LIMS1: variants seen among roughly 807,000 people sequenced by gnomAD.
LIMS1 encodes the protein LIM zinc finger domain containing 1.
Under a neutral mutation model 44.1 loss-of-function variants are expected in LIMS1, and 18 were observed. That is an observed-to-expected ratio of 0.41 (90% CI 0.28 to 0.61). The LOEUF is 0.61. Ranked by LOEUF, LIMS1 falls within the 20% of genes least tolerant of loss-of-function variation. LIMS1 has a pLI of 0.32. For synonymous variants in LIMS1, 93 were observed against 149.1 expected, an observed-to-expected ratio of 0.62 and a Z score of 2.74; for missense variants, 201 against 422.0, an observed-to-expected ratio of 0.48 and a Z score of 4.59.
intron 1 of LIMS1, among the ~76,000 whole-genome samples, chr2:108,551,486 C>T (rs920458508): frequency 1.1e-3 from 106 of 98,832 alleles, no homozygotes; most frequent in Middle Eastern, 5.6e-3. Flanking sequence ...TATATGCGCG[C>T]GCGCGCACAC....
intron 1 of LIMS1, among the ~76,000 whole-genome samples, chr2:108,562,588 A>T (rs543834959): frequency 3.9e-5 from 6 of 152,348 alleles, no homozygotes; most frequent in Admixed American, 3.9e-4. Flanking sequence ...CAATTCTATG[A>T]AGGTGGAGAG....
At chr2:108,558,877 G>T (rs1348425429) in intron 1 of LIMS1, among the ~76,000 whole-genome samples, 1 of 151,722 alleles carries the variant, frequency 6.6e-6, no homozygotes, top group African/African-American at 2.4e-5. Flanking sequence ...CACCATGTTG[G>T]CCAGGCTGGT....
At chr2:108,622,554 T>C (rs11897612) in intron 1 of LIMS1, among the ~76,000 whole-genome samples, 66,588 of 152,064 alleles carry the variant, frequency 0.44, 16,063 homozygotes, top group East Asian at 0.95. Context: ...AACTTATCGC[T>C]TACTATGTCA....
upstream of LIMS1, chr2:108,533,681 G>A (rs1263444124): frequency 6.6e-6 from 1 of 152,402 alleles, no homozygotes. Flanking sequence ...AAAGTGCTGG[G>A]ATTACAGGCG....
chr2:108,611,966 A>T (rs1260135376), intron 1 of LIMS1, among the ~76,000 whole-genome samples: 1 of 146,154 alleles, frequency 6.8e-6, no homozygotes, highest in Non-Finnish European at 1.5e-5. Context: ...TATTATATAT[A>T]CACATATATA....
chr2:108,628,541 G>T (rs1293920447), intron 1 of LIMS1, among the ~76,000 whole-genome samples: 2 of 152,222 alleles, frequency 1.3e-5, no homozygotes, highest in Non-Finnish European at 2.9e-5. Flanking sequence ...TGCCTAGGCT[G>T]CAGTGAGCCT....
intron 1 of LIMS1, among the ~76,000 whole-genome samples, chr2:108,559,198 A>G (rs993188493): frequency 3.6e-4 from 55 of 152,344 alleles, no homozygotes; most frequent in African/African-American, 1.3e-3. Context: ...GTAGAAGGCT[A>G]TGAAGATACA....
At chr2:108,563,443 A>C (rs1685191428) in intron 1 of LIMS1, among the ~76,000 whole-genome samples, 1 of 152,214 alleles carries the variant, frequency 6.6e-6, no homozygotes, top group Admixed American at 6.5e-5. Flanking sequence ...GTTTGGAAGA[A>C]GTTGATTCCA....
chr2:108,610,132 G>A lies in LIMS1; in HGVS notation c.33-49473G>A, dbSNP rs541192398. ...CACTCCAGACTGGGCGACAAAGTGA[G>A]ACTCTGTTACAAAAAATGTGTGTGT... On this transcript the variant is annotated intron_variant, in intron 1 of 9. Coordinates refer to ENST00000544547, the Ensembl canonical transcript of LIMS1. Among the ~76,000 whole-genome samples, 32 of 151,514 alleles carry A rather than the reference G, an allele frequency of 2.1e-4. No individual in the cohort carries two copies. The East Asian group carries it at 5.6e-3, about 27-fold the overall frequency.
At chr2:108,585,602 A>G (rs1686067968) in intron 1 of LIMS1, among the ~76,000 whole-genome samples, 1 of 151,930 alleles carries the variant, frequency 6.6e-6, no homozygotes. Flanking sequence ...ATCAGGGAGA[A>G]TGTGCGCAAT....
intron 1 of LIMS1, among the ~76,000 whole-genome samples, chr2:108,606,399 A>G (rs1005752726): frequency 2.6e-5 from 4 of 152,226 alleles, no homozygotes; most frequent in Non-Finnish European, 5.9e-5. Flanking sequence ...AGCTGGATTC[A>G]CCAGCAAACT....
At chr2:108,599,962 A>G (rs562296120) in intron 1 of LIMS1, among the ~76,000 whole-genome samples, 3 of 151,368 alleles carry the variant, frequency 2.0e-5, no homozygotes, top group East Asian at 1.9e-4. Context: ...GTTTGCAGAT[A>G]TCTTCTCCCA....
chr2:108,608,725 A>G (rs1325443423), intron 1 of LIMS1, among the ~76,000 whole-genome samples: 1 of 152,194 alleles, frequency 6.6e-6, no homozygotes, highest in African/African-American at 2.4e-5. Context: ...TGATCTTGAG[A>G]GAAGCAGGGT....
chr2:108,536,998 T>C (rs1435333422), intron 1 of LIMS1, among the ~76,000 whole-genome samples: 1 of 152,210 alleles, frequency 6.6e-6, no homozygotes, highest in East Asian at 1.9e-4. Context: ...AAACTGACAG[T>C]TTTTTTCCAG....
chr2:108,680,850 G>A, intron 9 of LIMS1, 80 bp downstream of exon 9: 4 of 1,569,312 alleles, frequency 2.5e-6, no homozygotes, highest in East Asian at 4.5e-5. Flanking sequence ...CTAGAATTTA[G>A]AAAAAGAGAA....
In LIMS1 at chr2:108,638,468, G is replaced by A. The variant is rs146048412; in HGVS notation, c.33-21137G>A. 7.0e-3 allele frequency among the ~76,000 whole-genome samples: 1,059 copies of A among 152,316 alleles called. 13 individuals are homozygous for A. The highest frequency in any genetic ancestry group is 0.034 in the Middle Eastern group (10 of 294). On this transcript the variant is annotated intron_variant, in intron 1 of 9. Transcript: ENST00000544547. ...GGTATAAAGATTCAACAGAGGCTGG[G>A]CGTGGTGGTTCACGCCTGTAACCCC... is the stretch of plus-strand genomic sequence containing the variant.
chr2:108,586,805 G>A (rs149278727), intron 1 of LIMS1, among the ~76,000 whole-genome samples: 3 of 152,190 alleles, frequency 2.0e-5, no homozygotes, highest in Non-Finnish European at 2.9e-5. Flanking sequence ...AAGAGAGATC[G>A]CAGCTGCTTC....
chr2:108,587,512 T>C (rs1357467078), intron 1 of LIMS1, among the ~76,000 whole-genome samples: 1 of 152,090 alleles, frequency 6.6e-6, no homozygotes, highest in Non-Finnish European at 1.5e-5. Flanking sequence ...GTTTTCTTGT[T>C]TTTAAAGATT....
intron 1 of LIMS1, among the ~76,000 whole-genome samples, chr2:108,624,732 G>A (rs1688461665): frequency 6.6e-6 from 1 of 151,916 alleles, no homozygotes; most frequent in South Asian, 2.1e-4. Flanking sequence ...ACTCTAGCCT[G>A]GGTGACCAAG....
Sources: gnomAD v4.1 joint callset for allele counts (sites outside exome capture counted in the v4.1 genomes callset) on GRCh38, gnomAD v4.1.1 for gene constraint, MANE v1.5 for transcripts, NCBI Gene and HGNC (gene_info 2026-07-23, HGNC 2026-07-21) for gene names.